SEMA4D: variants seen among roughly 807,000 people sequenced by gnomAD.
SEMA4D encodes the protein semaphorin 4D, also known as semaphorin-4D.
Under a neutral mutation model 74.8 loss-of-function variants are expected in SEMA4D, and 22 were observed. The observed-to-expected ratio is 0.29, with a 90% CI of 0.21 to 0.42. The LOEUF (loss-of-function observed/expected upper bound fraction) is 0.42, where lower values mean the gene tolerates loss of function less well. Among genes scored for constraint, SEMA4D ranks in the 10% least tolerant of loss-of-function variants. SEMA4D has a pLI of 1.00. For missense variants in SEMA4D, 937 were observed against 1,118.4 expected, an observed-to-expected ratio of 0.84 and a Z score of 2.31; for synonymous variants, 445 against 463.7, an observed-to-expected ratio of 0.96 and a Z score of 0.52.
At chr9:89,480,233 C>T (rs886215582) in intron 1 of SEMA4D, among the ~76,000 whole-genome samples, 7 of 151,706 alleles carry the variant, frequency 4.6e-5, no homozygotes, top group African/African-American at 1.5e-4. Flanking sequence ...TACAGAGTGT[C>T]GATTGGTGCA....
intron 1 of SEMA4D, among the ~76,000 whole-genome samples, chr9:89,497,189 C>G (rs1481851533): frequency 6.6e-6 from 1 of 152,208 alleles, no homozygotes; most frequent in African/African-American, 2.4e-5. Flanking sequence ...TTTTTACTGG[C>G]ATAACCCCAG....
intron 2 of SEMA4D, among the ~76,000 whole-genome samples, chr9:89,409,932 C>T (rs1844150007): frequency 6.6e-6 from 1 of 152,088 alleles, no homozygotes; most frequent in Non-Finnish European, 1.5e-5. Flanking sequence ...TCTCTGGAAA[C>T]CCAATGAAAT....
At chr9:89,427,993 T>C (rs908621206) in intron 2 of SEMA4D, among the ~76,000 whole-genome samples, 7 of 152,090 alleles carry the variant, frequency 4.6e-5, no homozygotes, top group African/African-American at 1.4e-4. Context: ...ACCACTAGGG[T>C]GACCACCTGT....
downstream of SEMA4D, among the ~76,000 whole-genome samples, chr9:89,375,789 G>A (rs778515922): frequency 4.6e-5 from 7 of 152,222 alleles, no homozygotes; most frequent in Non-Finnish European, 8.8e-5. Context: ...TATCCCATCC[G>A]AGTATTTTCC....
At chr9:89,417,706 C>T (rs530715376) in intron 2 of SEMA4D, among the ~76,000 whole-genome samples, 1 of 152,312 alleles carries the variant, frequency 6.6e-6, no homozygotes, top group South Asian at 2.1e-4. Context: ...CTGCACCCTC[C>T]AAAAGAAGAG....
chr9:89,462,675 G>T (rs555120097), intron 1 of SEMA4D, among the ~76,000 whole-genome samples: 2 of 151,860 alleles, frequency 1.3e-5, no homozygotes, highest in African/African-American at 2.4e-5. Flanking sequence ...CCAGATGCAG[G>T]GGCTCGTGCC....
At chr9:89,415,739 T>C (rs1183330053) in intron 2 of SEMA4D, among the ~76,000 whole-genome samples, 2 of 152,200 alleles carry the variant, frequency 1.3e-5, no homozygotes, top group South Asian at 2.1e-4. Flanking sequence ...ACCCAGTCTA[T>C]GACATTTTGT....
chr9:89,448,815 C>G (rs1853606902), intron 2 of SEMA4D, among the ~76,000 whole-genome samples: 2 of 152,208 alleles, frequency 1.3e-5, no homozygotes, highest in Non-Finnish European at 2.9e-5. Flanking sequence ...GGGCTTTTCC[C>G]AGGACTCCAG....
intron 2 of SEMA4D, among the ~76,000 whole-genome samples, chr9:89,444,769 A>G (rs1852439954): frequency 6.6e-6 from 1 of 152,182 alleles, no homozygotes; most frequent in Non-Finnish European, 1.5e-5. Flanking sequence ...ACGAGCCCTA[A>G]GAGAAAAGAG....
downstream of SEMA4D, among the ~76,000 whole-genome samples, chr9:89,372,339 G>T (rs1346062995): frequency 1.4e-3 from 170 of 118,086 alleles, 1 homozygote; most frequent in African/African-American, 5.2e-3. Flanking sequence ...GGTGTGTGTG[G>T]GGGGGTGTGG....
At chr9:89,450,427 G>A (rs1398745499) in intron 2 of SEMA4D, 34 of 1,357,138 alleles carry the variant, frequency 2.5e-5, no homozygotes, top group Non-Finnish European at 3.2e-5. Flanking sequence ...AAGAAGGCTT[G>A]GATGGGTGTG....
chr9:89,380,655 AC>A (rs1836819010), intron 15 of SEMA4D, among the ~76,000 whole-genome samples: 1 of 152,176 alleles, frequency 6.6e-6, no homozygotes, highest in African/African-American at 2.4e-5. Flanking sequence ...GCTATTTCAG[AC>A]ATCCACAGGC....
intron 4 of SEMA4D, among the ~76,000 whole-genome samples, chr9:89,402,502 A>G (rs1372639927): frequency 6.6e-6 from 1 of 152,158 alleles, no homozygotes; most frequent in East Asian, 1.9e-4. Context: ...GGCCCTTTCC[A>G]GTAAGAGATA....
rs181688333 is a variant in SEMA4D, at chr9:89,419,852, G to A, written c.-243-14153C>T. Among the ~76,000 whole-genome samples the A allele has an allele frequency of 2.0e-4, 30 of 152,258 alleles. 1 individual carries two copies. In the East Asian group the frequency reaches 5.6e-3, roughly 28 times the overall value. On this transcript the variant is annotated intron_variant, in intron 2 of 15. Coordinates refer to ENST00000422704, the MANE Select transcript of SEMA4D (RefSeq NM_001371194.2). Reference sequence around the variant, plus strand: ...GAATCGCTTGAACTCAGGAGGTGGAGGTTGGAGTGAGCCAAGATCGCGCCA... The same window carrying A: ...GAATCGCTTGAACTCAGGAGGTGGAAGTTGGAGTGAGCCAAGATCGCGCCA...
At position 89,378,865 on chromosome 9, in the gene SEMA4D, C is replaced by T. The variant is rs1237598370; in HGVS notation, c.2428G>A (p.Ala810Thr). Residue 810 changes from alanine to threonine, a missense_variant, in exon 16 of 16, where the codon GCC (alanine) becomes ACC (threonine). Coordinates refer to ENST00000422704, the MANE Select transcript of SEMA4D (RefSeq NM_001371194.2). ...TCGGTCTCATAGCCGGTGTCCAGGG[C>T]TGGCTTGGGGTGCTCCCCATTCTGC... Reference protein sequence around the residue: ...SQQNGEHPKPALDTGYETEQD... With the variant: ...SQQNGEHPKPTLDTGYETEQD... The T allele has an allele frequency of 6.2e-7, 1 of 1,614,116 alleles. No individual in the cohort carries two copies. The highest frequency in any genetic ancestry group is 2.2e-5 in the East Asian group (1 of 44,892).
At chr9:89,435,011 TA>T (rs1185785226) in intron 2 of SEMA4D, among the ~76,000 whole-genome samples, 5 of 152,310 alleles carry the variant, frequency 3.3e-5, no homozygotes, top group African/African-American at 1.2e-4. Flanking sequence ...TTAATCCATA[TA>T]TTTTTAATAC....
intron 1 of SEMA4D, among the ~76,000 whole-genome samples, chr9:89,475,955 C>G (rs1355714693): frequency 6.6e-6 from 1 of 152,164 alleles, no homozygotes; most frequent in South Asian, 2.1e-4. Flanking sequence ...GGAAGGAGGA[C>G]AACAGGAATG....
chr9:89,402,523 G>A (rs1339473389), intron 4 of SEMA4D, among the ~76,000 whole-genome samples: 1 of 152,154 alleles, frequency 6.6e-6, no homozygotes, highest in Non-Finnish European at 1.5e-5. Context: ...CCCAGATGAA[G>A]AATGTGGTGT....
At chr9:89,461,700 C>CTCTCTCTCTTTTTTTTTTTTT (rs71281350) in intron 1 of SEMA4D, among the ~76,000 whole-genome samples, 55 of 103,658 alleles carry the variant, frequency 5.3e-4, no homozygotes, top group Non-Finnish European at 8.4e-4. Context: ...TCTTTTTTCT[C>CTCTCTCTCTTTTTTTTTTTTT]TTTTTTTTTT....
Sources: gnomAD v4.1 joint callset for allele counts (sites outside exome capture counted in the v4.1 genomes callset) on GRCh38, gnomAD v4.1.1 for gene constraint, MANE v1.5 for transcripts, NCBI Gene and HGNC (gene_info 2026-07-23, HGNC 2026-07-21) for gene names.